ATP9B: variants seen among roughly 807,000 people sequenced by gnomAD.
ATP9B encodes the protein ATPase phospholipid transporting 9B.
ATP9B carries 110 observed loss-of-function variants against 146.1 expected under a neutral mutation model. The ratio of observed to expected loss-of-function variants is 0.75; its 90% CI spans 0.65 to 0.88. The LOEUF is 0.88. Among genes scored for constraint, ATP9B ranks in the 40% least tolerant of loss-of-function variants. The pLI is 0.00. For synonymous variants in ATP9B, 604 were observed against 569.7 expected, an observed-to-expected ratio of 1.06 and a Z score of -0.86; for missense variants, 1,499 against 1,496.4, an observed-to-expected ratio of 1.00 and a Z score of -0.03.
At chr18:79,209,858 A>G (rs1484526064) in intron 10 of ATP9B, 4 of 177,270 alleles carry the variant, frequency 2.3e-5, no homozygotes, top group African/African-American at 9.5e-5. Flanking sequence ...ACACTGCTAT[A>G]TCCTAAGGAA....
chr18:79,145,158 CA>C, intron 6 of ATP9B: 1 of 132,758 alleles, frequency 7.5e-6, no homozygotes, highest in African/African-American at 4.5e-5. Context: ...ACTGAAGGTG[CA>C]GGCTGCATGT....
At chr18:79,252,898 G>A (rs1477895678) in intron 11 of ATP9B, among the ~76,000 whole-genome samples, 1 of 149,378 alleles carries the variant, frequency 6.7e-6, no homozygotes, top group Non-Finnish European at 1.5e-5. Flanking sequence ...TCTCCATCTT[G>A]AGTAGAATCC....
At chr18:79,350,623 A>G (rs2096917427) in intron 25 of ATP9B, among the ~76,000 whole-genome samples, 1 of 152,238 alleles carries the variant, frequency 6.6e-6, no homozygotes, top group Non-Finnish European at 1.5e-5. Context: ...GATTTGTGCT[A>G]ATATTCTCAG....
chr18:79,229,905 A>G (rs984150734), intron 11 of ATP9B, among the ~76,000 whole-genome samples: 2 of 152,156 alleles, frequency 1.3e-5, no homozygotes, highest in Non-Finnish European at 2.9e-5. Flanking sequence ...ACTTTGAATC[A>G]TTTTAAGGAT....
chr18:79,168,083 C>T (rs1193030395), intron 7 of ATP9B, among the ~76,000 whole-genome samples: 3 of 152,228 alleles, frequency 2.0e-5, no homozygotes, highest in Non-Finnish European at 4.4e-5. Context: ...GCATGCAGCC[C>T]TAGGCACACC....
rs755197301 is a variant in ATP9B, at chr18:79,330,050, C to T, written c.1974C>T (p.Gly658=). 5.6e-6 allele frequency: 9 copies of T among 1,614,098 alleles called. No homozygotes were observed. The highest frequency in any genetic ancestry group is 2.7e-5 in the African/African-American group (2 of 75,010). ...STAEITFYMK[G]ADVAMSPIVQ... is the part of the protein sequence containing the mutation. ...CAGAAATCACATTCTACATGAAGGG[C>T]GCTGACGTGGCCATGTCTCCTATCG... Residue 658 remains glycine, a synonymous_variant, in exon 17 of 30, where the codon GGC becomes GGT. Transcript: ENST00000426216.
intron 20 of ATP9B, 122 bp from the exon 21 acceptor site, chr18:79,344,143 C>G (rs2096873398): frequency 4.3e-6 from 4 of 919,764 alleles, no homozygotes; most frequent in Non-Finnish European, 6.9e-6. Context: ...ACTAAAGCTC[C>G]TTTGGTTTTA....
At chr18:79,154,422 A>G in intron 6 of ATP9B, 82 bp from the exon 7 acceptor site, 1 of 912,926 alleles carries the variant, frequency 1.1e-6, no homozygotes, top group Non-Finnish European at 1.7e-6. Context: ...TTGTTTTCAT[A>G]GGTATTTCTT....
At chr18:79,290,340 C>T (rs1406837354) in intron 13 of ATP9B, among the ~76,000 whole-genome samples, 1 of 152,244 alleles carries the variant, frequency 6.6e-6, no homozygotes, top group East Asian at 1.9e-4. Context: ...CTCCCCCAGC[C>T]TTGCTGCCGC....
At position 79,187,074 on chromosome 18, in the gene ATP9B, A is replaced by T. The variant is rs186127281; in HGVS notation, c.874-6109A>T. Among the ~76,000 whole-genome samples, 14 of 152,338 alleles carry T rather than the reference A, an allele frequency of 9.2e-5. No homozygotes were observed. In the East Asian group the frequency reaches 2.7e-3, roughly 29 times the overall value. On this transcript the variant is annotated intron_variant, in intron 8 of 29. Coordinates refer to ENST00000426216, the MANE Select transcript of ATP9B (RefSeq NM_198531.5). The stretch of plus-strand genomic sequence containing the variant: ...ACGTGTCTCAGATGTGATCCTTGCC[A>T]TAGTGCTTTCCTTGGATGGATATTT...
chr18:79,104,419 A>T (rs1291872456), intron 2 of ATP9B, among the ~76,000 whole-genome samples: 1 of 152,124 alleles, frequency 6.6e-6, no homozygotes, highest in Non-Finnish European at 1.5e-5. Flanking sequence ...TGTGGAAGTG[A>T]TACTTATTTG....
At chr18:79,152,944 T>G (rs1398611693) in intron 6 of ATP9B, among the ~76,000 whole-genome samples, 2 of 152,248 alleles carry the variant, frequency 1.3e-5, no homozygotes, top group Non-Finnish European at 2.9e-5. Flanking sequence ...TCTAGTTTAA[T>G]CTAGTTTTAT....
chr18:79,214,873 C>T lies in ATP9B; in HGVS notation c.1107+835C>T, dbSNP rs80323891. ...TAATTCTTTGAAAAGATAGGCCAAG[C>T]GTGGTGGCTCACGCCTCTAATTACA... On this transcript the variant is annotated intron_variant, in intron 11 of 29. Transcript: ENST00000426216. 4.8e-3 allele frequency among the ~76,000 whole-genome samples: 734 copies of T among 152,222 alleles called. 10 individuals carry two copies. Among genetic ancestry groups the T allele is most frequent in the African/African-American group, 0.017 (692 of 41,548 alleles).
intron 13 of ATP9B, among the ~76,000 whole-genome samples, chr18:79,278,007 A>G (rs973155838): frequency 6.6e-6 from 1 of 152,258 alleles, no homozygotes; most frequent in African/African-American, 2.4e-5. Context: ...TTTAAAATTC[A>G]TAATGGAAGC....
At chr18:79,368,368 G>A (rs1414764699) in intron 26 of ATP9B, among the ~76,000 whole-genome samples, 2 of 152,150 alleles carry the variant, frequency 1.3e-5, no homozygotes, top group Non-Finnish European at 2.9e-5. Flanking sequence ...CCCATCCCTC[G>A]GCAACAGATC....
chr18:79,339,458 T>C (rs569859632), intron 19 of ATP9B, among the ~76,000 whole-genome samples: 1 of 151,742 alleles, frequency 6.6e-6, no homozygotes, highest in Admixed American at 6.6e-5. Flanking sequence ...AAGTATGTCA[T>C]GATCACAGTA....
intron 11 of ATP9B, among the ~76,000 whole-genome samples, chr18:79,231,805 C>CAT (rs1333177398): frequency 9.2e-6 from 1 of 109,016 alleles, no homozygotes; most frequent in Non-Finnish European, 1.9e-5. Flanking sequence ...TATATATATA[C>CAT]ACACACACAC....
intron 11 of ATP9B, among the ~76,000 whole-genome samples, chr18:79,227,169 C>G (rs1471589344): frequency 6.6e-6 from 1 of 152,106 alleles, no homozygotes; most frequent in African/African-American, 2.4e-5. Flanking sequence ...ATGAACCCAT[C>G]ATTTTTTTAG....
At chr18:79,334,938 C>T (rs969089148) in intron 17 of ATP9B, among the ~76,000 whole-genome samples, 2 of 151,994 alleles carry the variant, frequency 1.3e-5, no homozygotes, top group Admixed American at 6.5e-5. Flanking sequence ...GGTAGGAGAG[C>T]GGGGTGGGTT....
Sources: gnomAD v4.1 joint callset for allele counts (sites outside exome capture counted in the v4.1 genomes callset) on GRCh38, gnomAD v4.1.1 for gene constraint, MANE v1.5 for transcripts, NCBI Gene and HGNC (gene_info 2026-07-23, HGNC 2026-07-21) for gene names.